The following NME9 variants were observed in gnomAD, a reference collection of about 807,000 sequenced individuals.
The protein encoded by NME9 is NME/NM23 family member 9, also known as thioredoxin domain-containing protein 6.
In NME9, 48 loss-of-function variants were observed where a neutral mutation model predicts 44.4. The observed-to-expected ratio is 1.08, with a 90% CI of 0.86 to 1.37. NME9 has a LOEUF of 1.37. Among genes scored for constraint, NME9 ranks in the 40% most tolerant of loss-of-function variants. NME9 has a pLI of 0.00. For synonymous variants in NME9, 139 were observed against 147.1 expected (o/e 0.94, Z 0.40); for missense variants, 325 against 405.2 (o/e 0.80, Z 1.70).
intron 8 of NME9, 95 bp downstream of exon 8, chr3:138,305,909 A>T (rs2052219435): frequency 9.2e-6 from 8 of 873,274 alleles, no homozygotes; most frequent in Non-Finnish European, 1.5e-5. Context: ...GTTCTTCATA[A>T]TTTCTTCTGT....
chr3:138,319,669 C>G (rs577446531), intron 2 of NME9, 88 bp from the exon 3 acceptor site: 13 of 702,476 alleles, frequency 1.9e-5, no homozygotes, highest in Middle Eastern at 2.4e-4. Flanking sequence ...TCTAACCCCC[C>G]TCAAATGGAC....
At position 138,319,575 on chromosome 3, in the gene NME9, T is replaced by G. The variant is rs200474665; in HGVS notation, c.98A>C (p.Asp33Ala). 1.9e-4 allele frequency: 305 copies of G among 1,596,038 alleles called. No individual in the cohort carries two copies. Among genetic ancestry groups the G allele is most frequent in the Admixed American group, 9.7e-4 (58 of 59,948 alleles). The change falls in exon 3 of 11, where the codon GAT becomes GCT. Residue 33 changes from aspartate (D) to alanine (A), a missense_variant. By Grantham distance (126) the Asp-to-Ala change is moderately radical (BLOSUM62 -2). Coordinates refer to ENST00000333911, the MANE Select transcript of NME9 (RefSeq NM_001349018.2). The stretch of plus-strand genomic sequence containing the variant: ...GGGGCCACACCAGCCTTGATAGACA[T>G]CAACAACTGTGTGGAACCAAGAAGC... Reference protein sequence around the residue: ...MLSSKGLTVVDVYQGWCGPCK... With the variant: ...MLSSKGLTVVAVYQGWCGPCK...
At chr3:138,266,865 A>G (rs1210471798) in intron 8 of NME9, among the ~76,000 whole-genome samples, 4 of 152,200 alleles carry the variant, frequency 2.6e-5, no homozygotes, top group Non-Finnish European at 5.9e-5. Flanking sequence ...TTGGCCTTCA[A>G]GCATTTCACA....
At chr3:138,305,941 A>G in intron 8 of NME9, 63 bp downstream of exon 8, 1 of 1,069,632 alleles carries the variant, frequency 9.3e-7, no homozygotes, top group Non-Finnish European at 1.5e-6. Flanking sequence ...ATCAATCTAT[A>G]AGCATAATGT....
chr3:138,275,554 G>A (rs1029541781), intron 8 of NME9, among the ~76,000 whole-genome samples: 5 of 151,136 alleles, frequency 3.3e-5, no homozygotes, highest in African/African-American at 1.2e-4. Flanking sequence ...GCGAGACTCT[G>A]TCTCAAAAAA....
At chr3:138,287,928 A>G (rs1039552167) in intron 8 of NME9, 1 of 223,942 alleles carries the variant, frequency 4.5e-6, no homozygotes, top group Admixed American at 5.2e-5. Flanking sequence ...TTTTTCATTC[A>G]GGCGAAAACA....
At chr3:138,273,208 C>A in intron 8 of NME9, 1 of 1,290,740 alleles carries the variant, frequency 7.7e-7, no homozygotes, top group Non-Finnish European at 1.1e-6. Context: ...TAACATCTGC[C>A]CATGAGTGTG....
At chr3:138,274,658 T>A in intron 8 of NME9, 2 of 729,496 alleles carry the variant, frequency 2.7e-6, no homozygotes, top group Non-Finnish European at 4.6e-6. Flanking sequence ...AGATGGGAGA[T>A]GCTCTAGAAA....
At position 138,267,362 on chromosome 3, in the gene NME9, T is replaced by G. The variant is rs2048371860; in HGVS notation, c.746-4776A>C. On this transcript the variant is annotated intron_variant, in intron 8 of 8. Coordinates refer to the NME9 transcript ENST00000317876. ...GGTTTAAAAACTACTTCGGAATTGTTTGATTGCATAGCGGTAGGGGTGTGC... is the reference window on the plus strand; with the variant it reads ...GGTTTAAAAACTACTTCGGAATTGTGTGATTGCATAGCGGTAGGGGTGTGC... The G allele has an allele frequency of 5.2e-6, 3 of 576,056 alleles. No homozygotes were observed. The South Asian group carries it at 7.5e-5, about 14-fold the overall frequency. The allele number at this position is 576,056 out of a possible 1,614,324, so 35.7% of individuals were successfully genotyped here.
At chr3:138,285,762 G>GT (rs765871888) in intron 8 of NME9, among the ~76,000 whole-genome samples, 13 of 152,118 alleles carry the variant, frequency 8.5e-5, no homozygotes, top group Non-Finnish European at 1.5e-4. Flanking sequence ...ATCCACCATG[G>GT]TGTCTGGCCC....
intron 8 of NME9, among the ~76,000 whole-genome samples, chr3:138,269,425 G>A (rs2048571316): frequency 6.6e-6 from 1 of 152,126 alleles, no homozygotes; most frequent in African/African-American, 2.4e-5. Context: ...CTAAAGCATG[G>A]TATTTTAGAT....
intron 6 of NME9, among the ~76,000 whole-genome samples, chr3:138,310,015 CAAAA>C (rs764498144): frequency 7.7e-6 from 1 of 130,242 alleles, no homozygotes; most frequent in Non-Finnish European, 1.7e-5. Context: ...AACTCCATCT[CAAAA>C]AAAAAAAAGA....
At position 138,284,886 on chromosome 3, in the gene NME9, C is replaced by T. The variant is rs370256006; in HGVS notation, c.745+18621G>A. 8.5e-4 allele frequency among the ~76,000 whole-genome samples: 129 copies of T among 152,328 alleles called. 1 individual carries two copies. The highest frequency in any genetic ancestry group is 2.9e-3 in the African/African-American group (122 of 41,582). Reference sequence around the variant, plus strand: ...GTGGATGAACCCTCTAGCCCCCTGGCACCATAGTTCCTTTACCTGTTTGCT... The same window carrying T: ...GTGGATGAACCCTCTAGCCCCCTGGTACCATAGTTCCTTTACCTGTTTGCT... On this transcript the variant is annotated intron_variant, in intron 8 of 8. Transcript: ENST00000317876.
intron 6 of NME9, among the ~76,000 whole-genome samples, chr3:138,310,044 C>A (rs1178786764): frequency 6.6e-6 from 1 of 151,610 alleles, no homozygotes; most frequent in African/African-American, 2.4e-5. Flanking sequence ...AAACCAAGAC[C>A]CAACTATATG....
At chr3:138,292,808 A>G (rs571624927) in intron 8 of NME9, among the ~76,000 whole-genome samples, 55 of 152,242 alleles carry the variant, frequency 3.6e-4, no homozygotes, top group African/African-American at 1.3e-3. Context: ...AAAAGAGAGA[A>G]AGGAGGACTA....
In NME9 at chr3:138,301,264, G is replaced by A; in HGVS notation, c.*376C>T. ...CTGTCACCCAGGCTGGAGTGCAGTG[G>A]CATGATCTCGGCTTACTGCAACCTT... On this transcript the variant is annotated 3_prime_UTR_variant, in exon 11 of 11. Transcript: ENST00000333911. 6.9e-6 allele frequency: 3 copies of A among 436,230 alleles called. No homozygotes were observed. The highest frequency in any genetic ancestry group is 9.4e-6 in the Non-Finnish European group (3 of 320,146). 27.0% of individuals were successfully genotyped at this position (436,230 alleles called of 1,614,324 possible).
chr3:138,326,899 T>G (rs796178389), intron 1 of NME9: 4 of 151,108 alleles, frequency 2.6e-5, no homozygotes, highest in African/African-American at 9.7e-5. Flanking sequence ...CCCAACACTT[T>G]TGGAGGCCAG....
chr3:138,323,907 G>C (rs1391155180), intron 2 of NME9, among the ~76,000 whole-genome samples: 1 of 152,180 alleles, frequency 6.6e-6, no homozygotes, highest in Admixed American at 6.5e-5. Context: ...CCCACCTCTT[G>C]GTCCTCATGT....
intron 6 of NME9, among the ~76,000 whole-genome samples, chr3:138,308,223 T>C (rs1008574434): frequency 3.3e-5 from 5 of 152,224 alleles, no homozygotes; most frequent in African/African-American, 1.2e-4. Context: ...TGTCCTAAAC[T>C]GTGCCTTCTC....
Sources: allele counts gnomAD v4.1 joint callset (sites outside exome capture counted in the v4.1 genomes callset), GRCh38; gene constraint gnomAD v4.1.1; transcripts MANE v1.5; gene names NCBI Gene and HGNC (gene_info 2026-07-23, HGNC 2026-07-21).